Variants in RNF14 observed in about 807,000 individuals in gnomAD.
RNF14 encodes the protein ring finger protein 14.
A neutral mutation model predicts 52.6 loss-of-function variants in RNF14; 26 were observed. The ratio of observed to expected loss-of-function variants is 0.49; its 90% CI spans 0.36 to 0.69. RNF14 has a LOEUF of 0.69. Ranked by LOEUF, RNF14 falls within the 30% of genes least tolerant of loss-of-function variation. The pLI is 0.00. For synonymous variants in RNF14, 194 were observed against 202.0 expected, an observed-to-expected ratio of 0.96 and a Z score of 0.34; for missense variants, 404 against 560.4, an observed-to-expected ratio of 0.72 and a Z score of 2.82.
At chr5:141,980,096 C>T in intron 5 of RNF14, 27 bp from the exon 6 acceptor site, 1 of 1,586,922 alleles carries the variant, frequency 6.3e-7, no homozygotes, top group Non-Finnish European at 8.7e-7. Context: ...AATCATCAAA[C>T]CTATGGTGTT....
At chr5:141,956,418 G>A (rs1227804983), upstream of RNF14, 2 of 1,614,248 alleles carry the variant, frequency 1.2e-6, no homozygotes, top group Non-Finnish European at 1.7e-6. Context: ...TGGTAATGAG[G>A]TGAAGAGAGG....
chr5:141,985,312 C>T (rs1416712816), intron 8 of RNF14, among the ~76,000 whole-genome samples: 1 of 152,036 alleles, frequency 6.6e-6, no homozygotes, highest in Admixed American at 6.6e-5. Flanking sequence ...CACGTTTCTC[C>T]TAAGATAAGG....
chr5:141,970,220 C>A (rs1439450252), intron 1 of RNF14, among the ~76,000 whole-genome samples: 3 of 152,174 alleles, frequency 2.0e-5, no homozygotes, highest in Non-Finnish European at 4.4e-5. Context: ...TAGAATAAAA[C>A]TTAAAAGTTT....
At chr5:141,949,855 T>C in the RNF14 span, among the ~76,000 whole-genome samples, 1 of 152,208 alleles carries the variant, frequency 6.6e-6, no homozygotes, top group African/African-American at 2.4e-5. Flanking sequence ...CCACAGAGCC[T>C]GGCACATTGT....
chr5:141,987,981 T>G lies in RNF14; in HGVS notation c.*191T>G. The G allele has an allele frequency of 1.8e-6, 1 of 554,882 alleles. No individual in the cohort carries two copies. Among genetic ancestry groups the G allele is most frequent in the Non-Finnish European group, 3.2e-6 (1 of 311,916 alleles). The allele number at this position is 554,882 out of a possible 1,614,324, so 34.4% of individuals were successfully genotyped here. On this transcript the variant is annotated 3_prime_UTR_variant, in exon 9 of 9. Coordinates refer to ENST00000394520, the MANE Select transcript of RNF14 (RefSeq NM_004290.5). ...GCATTGATACATTTTTAAATGTAAGTTGAGAAAAATTTATAAGCCAAAGGT... is the reference window on the plus strand; with the variant it reads ...GCATTGATACATTTTTAAATGTAAGGTGAGAAAAATTTATAAGCCAAAGGT...
Position 141,983,465 on chromosome 5 carries a change from G to T in RNF14, c.1149G>T (p.Val383=), listed in dbSNP as rs758294962. 6.2e-7 allele frequency: 1 copy of T among 1,613,754 alleles called. No individual in the cohort carries two copies. Among genetic ancestry groups the T allele is most frequent in the Non-Finnish European group, 8.5e-7 (1 of 1,179,958 alleles). Residue 383 remains valine (V), a synonymous_variant, in exon 7 of 9, where the codon GTG becomes GTT. Transcript: ENST00000394520. ...RLLDQRYGKR[V]IQKALEEMES... Reference sequence around the variant, plus strand: ...TGGATCAAAGGTATGGTAAGAGAGTGATTCAGAAGGCACTGGAAGAGATGG... The same window carrying T: ...TGGATCAAAGGTATGGTAAGAGAGTTATTCAGAAGGCACTGGAAGAGATGG...
intron 1 of RNF14, among the ~76,000 whole-genome samples, chr5:141,960,994 C>G (rs199615526): frequency 6.6e-6 from 1 of 152,148 alleles, no homozygotes; most frequent in Non-Finnish European, 1.5e-5. Context: ...TCATAAATAT[C>G]CACAGCTCCA....
chr5:141,987,215 T>C (rs1755316598), intron 8 of RNF14, among the ~76,000 whole-genome samples: 1 of 152,176 alleles, frequency 6.6e-6, no homozygotes, highest in African/African-American at 2.4e-5. Context: ...TGGCCTCCCA[T>C]CCCATCATGG....
Position 141,989,806 on chromosome 5 carries a change from G to T in RNF14, c.*2016G>T, listed in dbSNP as rs535119967. ...GAGAAGAGTGATTTCTGTGATCAAA[G>T]AGTTCAATTCAGATTTATTCAGAAA... On this transcript the variant is annotated 3_prime_UTR_variant, in exon 9 of 9. Coordinates refer to ENST00000394520, the MANE Select transcript of RNF14 (RefSeq NM_004290.5). 6.6e-6 allele frequency: 1 copy of T among 152,152 alleles called. No individual in the cohort carries two copies. The highest frequency in any genetic ancestry group is 2.4e-5 in the African/African-American group (1 of 41,522). 9.4% of individuals were successfully genotyped at this position (152,152 alleles called of 1,614,324 possible).
chr5:141,974,696 T>G, intron 3 of RNF14, 108 bp from the exon 4 acceptor site: 1 of 1,071,282 alleles, frequency 9.3e-7, no homozygotes, highest in South Asian at 1.5e-5. Context: ...GGGGGAGGGT[T>G]TTTATTCCCT....
At chr5:141,949,441 G>C in the RNF14 span, 2 of 1,613,280 alleles carry the variant, frequency 1.2e-6, no homozygotes, top group Non-Finnish European at 1.7e-6. Context: ...CCTGTGCTGG[G>C]GTCCAGCAGA....
At chr5:141,965,978 T>TAAA (rs545449787), upstream of RNF14, among the ~76,000 whole-genome samples, 110 of 126,986 alleles carry the variant, frequency 8.7e-4, 1 homozygote, top group Non-Finnish European at 1.3e-3. Context: ...ACTTAAAAGT[T>TAAA]AAAAAAAAAA....
At chr5:141,967,507 G>A (rs139793272), upstream of RNF14, among the ~76,000 whole-genome samples, 193 of 152,064 alleles carry the variant, frequency 1.3e-3, no homozygotes, top group African/African-American at 4.5e-3. Flanking sequence ...AAAGTCCATT[G>A]TATCATTCTT....
rs1371672082 is a variant in RNF14, at chr5:141,984,866, A to C, written c.1300A>C (p.Met434Leu). The C allele has an allele frequency of 2.5e-6, 4 of 1,613,684 alleles. No individual in the cohort carries two copies. The highest frequency in any genetic ancestry group is 3.3e-5 in the Admixed American group (2 of 60,028). The change falls in exon 8 of 9, where the codon ATG (methionine) becomes CTG (leucine). Residue 434 changes from methionine to leucine, a missense_variant. Physicochemically the swap from Met to Leu is conservative, Grantham distance 15 (BLOSUM62 2). Transcript: ENST00000394520. ...TATGCAATATTTCTGTTGGATTTGC[A>C]TGGGTTCTCTCTCTAGAGCAAACCC... ...GCMQYFCWICMGSLSRANPYK... is the reference protein window; with the variant it reads ...GCMQYFCWICLGSLSRANPYK...
intron 2 of RNF14, among the ~76,000 whole-genome samples, chr5:141,971,248 A>G (rs1051981764): frequency 2.9e-4 from 44 of 152,114 alleles, no homozygotes; most frequent in African/African-American, 7.5e-4. Flanking sequence ...ATTGATTCAT[A>G]CTTTATTTTT....
upstream of RNF14, chr5:141,955,937 G>T (rs370147049): frequency 3.1e-6 from 5 of 1,614,178 alleles, no homozygotes; most frequent in Admixed American, 3.3e-5. The surrounding 1 kb of genome is among the most constrained non-coding windows in gnomAD (Gnocchi z 5.5). Flanking sequence ...TTTCCACTGC[G>T]GATGCTGTAG....
Position 141,981,451 on chromosome 5 carries a change from A to G in RNF14, c.1063+1100A>G, listed in dbSNP as rs568472668. Among the ~76,000 whole-genome samples, 45 of 152,322 alleles carry G rather than the reference A, an allele frequency of 3.0e-4. No individual in the cohort carries two copies. The South Asian group carries it at 3.1e-3, about 11-fold the overall frequency. Reference sequence around the variant, plus strand: ...GTAGTGAGACTCTGCTTCTAAAAAAATTAAATCAAGCAAACCTGGTTATAT... The same window carrying G: ...GTAGTGAGACTCTGCTTCTAAAAAAGTTAAATCAAGCAAACCTGGTTATAT... On this transcript the variant is annotated intron_variant, in intron 6 of 8. Coordinates refer to ENST00000394520, the MANE Select transcript of RNF14 (RefSeq NM_004290.5).
At chr5:141,953,527 A>C (rs1282486967), upstream of RNF14, among the ~76,000 whole-genome samples, 1 of 152,202 alleles carries the variant, frequency 6.6e-6, no homozygotes, top group Admixed American at 6.5e-5. Context: ...ATCTGACTCT[A>C]TGTGCTGCTG....
chr5:141,955,568 G>A (rs1274384491), upstream of RNF14: 2 of 1,614,202 alleles, frequency 1.2e-6, no homozygotes, highest in Non-Finnish European at 1.7e-6. The surrounding 1 kb of genome is among the most constrained non-coding windows in gnomAD (Gnocchi z 5.5). Flanking sequence ...CTCTTGGGCT[G>A]CTGGCGGTAG....
Sources: gnomAD v4.1 joint callset for allele counts (sites outside exome capture counted in the v4.1 genomes callset) on GRCh38, gnomAD v4.1.1 for gene constraint, Gnocchi (gnomAD v3.1) non-coding constraint, MANE v1.5 for transcripts, NCBI Gene and HGNC (gene_info 2026-07-23, HGNC 2026-07-21) for gene names.